Variants in ABCA13 observed in about 807,000 individuals in gnomAD.
ABCA13 encodes ATP binding cassette subfamily A member 13.
ABCA13 carries 476 observed loss-of-function variants against 478.7 expected under a neutral mutation model. The ratio of observed to expected loss-of-function variants is 0.99; its 90% CI spans 0.92 to 1.07. The LOEUF (loss-of-function observed/expected upper bound fraction) is 1.07. Among genes scored for constraint, ABCA13 ranks in the 50% least tolerant of loss-of-function variants. The probability of loss-of-function intolerance (pLI) is 0.00; values close to 1 mark genes in which losing one functional copy is unlikely to be tolerated. For synonymous variants in ABCA13, 2,252 were observed against 2,158.9 expected (o/e 1.04, Z -1.20); for missense variants, 6,060 against 5,910.6 (o/e 1.03, Z -0.83).
chr7:48,436,992 T>C (rs1822929058), intron 42 of ABCA13, among the ~76,000 whole-genome samples: 1 of 151,992 alleles, frequency 6.6e-6, no homozygotes, highest in Non-Finnish European at 1.5e-5. Context: ...ATGTATATTC[T>C]GCTGTTGTTG....
chr7:48,403,973 G>A (rs6978753), intron 39 of ABCA13, 94 bp downstream of exon 39: 601,687 of 1,412,022 alleles, frequency 0.43, 130,734 homozygotes, highest in Admixed American at 0.5. Flanking sequence ...TTGTATCCCA[G>A]TGAGGCTACA....
At chr7:48,581,389 T>C (rs1391170429) in intron 56 of ABCA13, among the ~76,000 whole-genome samples, 1 of 152,168 alleles carries the variant, frequency 6.6e-6, no homozygotes, top group Non-Finnish European at 1.5e-5. Context: ...TCTGGCCCCT[T>C]TTCCCATCTC....
Position 48,221,287 on chromosome 7 carries a change from C to A in ABCA13, c.446C>A (p.Ser149Tyr). The change falls in exon 5 of 62, where the codon TCT becomes TAT. Residue 149 changes from serine (S) to tyrosine (Y), a missense_variant. By Grantham distance (144) the Ser-to-Tyr change is moderately radical. This residue lies in a region of ABCA13 where 4,423 missense variants were observed against 4,309.1 expected (regional missense o/e 1.03). Transcript: ENST00000435803. ...WVERSNTPDS[S>Y]YGSSFFTMDL... Reference sequence around the variant, plus strand: ...TAAACCTTCTTTATTATAGATTCTTCTTATGGTTCCAGTTTTTTTACAGTA... The same window carrying A: ...TAAACCTTCTTTATTATAGATTCTTATTATGGTTCCAGTTTTTTTACAGTA... 2 of 1,165,976 alleles carry A rather than the reference C, an allele frequency of 1.7e-6. No homozygotes were observed. The highest frequency in any genetic ancestry group is 2.4e-6 in the Non-Finnish European group (2 of 819,504). The allele number at this position is 1,165,976 out of a possible 1,614,324, so 72.2% of individuals were successfully genotyped here.
At chr7:48,173,574 G>T (rs1174993353) in intron 1 of ABCA13, among the ~76,000 whole-genome samples, 4 of 152,132 alleles carry the variant, frequency 2.6e-5, no homozygotes, top group African/African-American at 7.2e-5. Flanking sequence ...CCACCTCTTG[G>T]GATATATCCT....
In ABCA13 at chr7:48,279,722, CT is replaced by C; in HGVS notation, c.8531del (p.Leu2844CysfsTer30). ...TCTGAATGGATAACTTCCACAAGAACTTTGTTTCAGCCACTTTTTGAGATTT... is the reference window on the plus strand; with the variant it reads ...TCTGAATGGATAACTTCCACAAGAACTTGTTTCAGCCACTTTTTGAGATTT... ...NNSEWITSTRTLFQPLFEIFI... is the reference protein window; with the variant it reads ...NNSEWITSTRXLFQPLFEIFI... On this transcript the variant is annotated frameshift_variant, in exon 18 of 62. Transcript: ENST00000435803. LOFTEE classifies it high-confidence loss of function. The C allele has an allele frequency of 6.2e-7, 1 of 1,613,446 alleles. No homozygotes were observed. Among genetic ancestry groups the C allele is most frequent in the Non-Finnish European group, 8.5e-7 (1 of 1,179,712 alleles).
intron 48 of ABCA13, among the ~76,000 whole-genome samples, chr7:48,496,327 A>G (rs1395277259): frequency 6.6e-6 from 1 of 152,118 alleles, no homozygotes; most frequent in African/African-American, 2.4e-5. Context: ...ATTGTTATTT[A>G]CTACCTTGGG....
At chr7:48,343,543 T>C (rs1158430084) in intron 29 of ABCA13, among the ~76,000 whole-genome samples, 2 of 152,186 alleles carry the variant, frequency 1.3e-5, no homozygotes, top group Non-Finnish European at 2.9e-5. Flanking sequence ...CTCTGACCTT[T>C]GAGCTTTTGC....
Position 48,467,001 on chromosome 7 carries a change from G to T in ABCA13, c.12861G>T (p.Lys4287Asn). Residue 4287 changes from lysine to asparagine, a missense_variant, in exon 44 of 62, where the codon AAG becomes AAT. Lys to Asn is a moderately conservative substitution (Grantham distance 94). This residue lies in a region of ABCA13 where 1,627 missense variants were observed against 1,571.0 expected (regional missense o/e 1.04). Transcript: ENST00000435803. ...NLDLTRVLLRKFRDQDLPCAD... is the reference protein window; with the variant it reads ...NLDLTRVLLRNFRDQDLPCAD... ...ACCTCACCCGTGTGCTTCTGCGGAA[G>T]TTTAGAGATCAAGATTTGCCCTGTG... is the stretch of plus-strand genomic sequence containing the variant. The T allele has an allele frequency of 6.2e-7, 1 of 1,614,008 alleles. No individual in the cohort carries two copies. Among genetic ancestry groups the T allele is most frequent in the Middle Eastern group, 1.6e-4 (1 of 6,062 alleles).
rs144189937 is a variant in ABCA13 at position 48,232,385 on chromosome 7, C to T, written c.764-1633C>T. On this transcript the variant is annotated intron_variant, in intron 7 of 61. Transcript: ENST00000435803. ...ATCCAAATTACAACAACAAATTTGC[C>T]TTACAATTGAAAATGTAATTACCGT... is the stretch of plus-strand genomic sequence containing the variant. 6.6e-5 allele frequency among the ~76,000 whole-genome samples: 10 copies of T among 151,882 alleles called. No individual in the cohort carries two copies. In the East Asian group the frequency reaches 1.9e-3, roughly 29 times the overall value.
chr7:48,233,715 C>A (rs548720399), intron 7 of ABCA13, among the ~76,000 whole-genome samples: 1 of 152,104 alleles, frequency 6.6e-6, no homozygotes, highest in Admixed American at 6.6e-5. Context: ...TTGAGAAAGA[C>A]TTTTAGAAGT....
intron 27 of ABCA13, among the ~76,000 whole-genome samples, chr7:48,333,071 C>A (rs752793027): frequency 6.6e-6 from 1 of 152,164 alleles, no homozygotes; most frequent in Non-Finnish European, 1.5e-5. Context: ...ACTCTAATGA[C>A]ACCAGTATCA....
At chr7:48,288,409 G>C (rs1472443897) in intron 20 of ABCA13, among the ~76,000 whole-genome samples, 3 of 152,304 alleles carry the variant, frequency 2.0e-5, no homozygotes, top group Non-Finnish European at 4.4e-5. Context: ...AGAAACACAA[G>C]TAATAATTAC....
In ABCA13 at chr7:48,332,512, A is replaced by G. The variant is rs369546142; in HGVS notation, c.10000-2910A>G. Among the ~76,000 whole-genome samples the G allele has an allele frequency of 7.2e-5, 11 of 152,328 alleles. No individual in the cohort carries two copies. In the East Asian group the frequency reaches 2.1e-3, roughly 29 times the overall value. On this transcript the variant is annotated intron_variant, in intron 27 of 61. Transcript: ENST00000435803. ...TGACTATCAGAAGGTGTTATGATTT[A>G]TGTTTTAATCATCAAATACATTTCA...
intron 59 of ABCA13, among the ~76,000 whole-genome samples, chr7:48,620,832 A>AG (rs1441457678): frequency 6.6e-6 from 1 of 152,176 alleles, no homozygotes; most frequent in African/African-American, 2.4e-5. Context: ...CGTTGCACAC[A>AG]GGGCATTGTC....
At chr7:48,570,574 C>T (rs1019051609) in intron 55 of ABCA13, among the ~76,000 whole-genome samples, 3 of 151,822 alleles carry the variant, frequency 2.0e-5, no homozygotes, top group Non-Finnish European at 2.9e-5. Context: ...CCACCCGCCT[C>T]GGCCTCCCAA....
intron 42 of ABCA13, among the ~76,000 whole-genome samples, chr7:48,444,659 C>G (rs1396817253): frequency 1.3e-5 from 2 of 152,142 alleles, no homozygotes; most frequent in African/African-American, 4.8e-5. Context: ...TTGTCCCTAA[C>G]TGAGGTTTCC....
chr7:48,396,970 A>G (rs914195742), intron 38 of ABCA13, among the ~76,000 whole-genome samples: 5 of 152,204 alleles, frequency 3.3e-5, no homozygotes, highest in Middle Eastern at 6.3e-3. Context: ...ATACGAAACA[A>G]AACAAGATCA....
chr7:48,430,306 C>T lies in ABCA13; in HGVS notation c.12565+2435C>T, dbSNP rs561187549. Reference sequence around the variant, plus strand: ...AGGAATCTGTCCATTTCATTTCAGTCGTTATGCTATTTTATGTTATTGGCA... The same window carrying T: ...AGGAATCTGTCCATTTCATTTCAGTTGTTATGCTATTTTATGTTATTGGCA... On this transcript the variant is annotated intron_variant, in intron 42 of 61. Transcript: ENST00000435803. Among the ~76,000 whole-genome samples the T allele has an allele frequency of 3.9e-5, 6 of 152,236 alleles. No individual in the cohort carries two copies. The East Asian group carries it at 7.7e-4, about 20-fold the overall frequency.
intron 59 of ABCA13, among the ~76,000 whole-genome samples, chr7:48,637,645 G>A (rs1179998529): frequency 3.3e-5 from 5 of 152,046 alleles, no homozygotes; most frequent in African/African-American, 1.2e-4. Flanking sequence ...GAAACAAAAC[G>A]CTCTATCATG....
Sources: allele counts gnomAD v4.1 joint callset (sites outside exome capture counted in the v4.1 genomes callset), GRCh38; gene constraint gnomAD v4.1.1; regional missense constraint gnomAD v4.1.1; transcripts MANE v1.5; gene names NCBI Gene and HGNC (gene_info 2026-07-23, HGNC 2026-07-21).